Variants in SKAP1 observed in about 807,000 individuals in gnomAD.
SKAP1 encodes src kinase-associated phosphoprotein 1.
Under a neutral mutation model 58.5 loss-of-function variants are expected in SKAP1, and 44 were observed. That is an observed-to-expected ratio of 0.75 (90% CI 0.59 to 0.97). The LOEUF (loss-of-function observed/expected upper bound fraction) is 0.97. Among genes scored for constraint, SKAP1 ranks in the 50% least tolerant of loss-of-function variants. The pLI is 0.00. For missense variants in SKAP1, 390 were observed against 435.2 expected (o/e 0.90, Z 0.92); for synonymous variants, 127 against 149.7 (o/e 0.85, Z 1.11).
intron 2 of SKAP1, among the ~76,000 whole-genome samples, chr17:48,383,603 G>C (rs1225584162): frequency 6.6e-6 from 1 of 152,050 alleles, no homozygotes; most frequent in Non-Finnish European, 1.5e-5. Context: ...AGTGACCCAA[G>C]GCCAGGCTGC....
intron 9 of SKAP1, among the ~76,000 whole-genome samples, chr17:48,178,256 C>T (rs954719420): frequency 2.9e-4 from 44 of 152,074 alleles, no homozygotes; most frequent in African/African-American, 8.9e-4. Flanking sequence ...CCCCGCCCCC[C>T]GACTCCTTTG....
intron 4 of SKAP1, among the ~76,000 whole-genome samples, chr17:48,220,719 T>C (rs890111102): frequency 6.6e-6 from 1 of 151,558 alleles, no homozygotes; most frequent in African/African-American, 2.4e-5. Flanking sequence ...CGGGCGTGGT[T>C]GCACATGCCT....
At chr17:48,182,605 C>T (rs1386324210) in intron 7 of SKAP1, 148 bp from the exon 8 acceptor site, 3 of 587,382 alleles carry the variant, frequency 5.1e-6, no homozygotes, top group African/African-American at 1.9e-5. Flanking sequence ...AGAAAAAAGA[C>T]CAAATATTTC....
At chr17:48,332,783 T>G (rs564482828) in intron 4 of SKAP1, among the ~76,000 whole-genome samples, 1 of 152,228 alleles carries the variant, frequency 6.6e-6, no homozygotes, top group South Asian at 2.1e-4. Context: ...AAATTCTTTA[T>G]TGGAATTTCA....
chr17:48,138,894 ATTT>A (rs200111005), intron 11 of SKAP1, among the ~76,000 whole-genome samples: 2 of 149,742 alleles, frequency 1.3e-5, no homozygotes, highest in East Asian at 3.9e-4. Context: ...TGAAAAAAAA[ATTT>A]TTTTTTTTTG....
rs190658990 is a variant in SKAP1, at chr17:48,425,426, T to C, written c.46+4649A>G. On this transcript the variant is annotated intron_variant, in intron 1 of 12. Transcript: ENST00000336915. ...AACAATTATTGATTCTGAGTAACTGTATCCTATTGTGTGTTTTCTAAATTT... is the reference window on the plus strand; with the variant it reads ...AACAATTATTGATTCTGAGTAACTGCATCCTATTGTGTGTTTTCTAAATTT... 3.3e-5 allele frequency among the ~76,000 whole-genome samples: 5 copies of C among 152,358 alleles called. No individual in the cohort carries two copies. In the East Asian group the frequency reaches 5.8e-4, roughly 18 times the overall value.
chr17:48,222,030 A>G (rs1028306633), intron 4 of SKAP1, among the ~76,000 whole-genome samples: 2 of 152,184 alleles, frequency 1.3e-5, no homozygotes, highest in African/African-American at 4.8e-5. Context: ...TTATTATTAT[A>G]ATAAGCCCAG....
intron 4 of SKAP1, among the ~76,000 whole-genome samples, chr17:48,269,545 C>G (rs903380658): frequency 2.6e-5 from 4 of 152,180 alleles, no homozygotes; most frequent in African/African-American, 7.2e-5. Flanking sequence ...CCACATCGCC[C>G]AAATTATTGT....
intron 2 of SKAP1, among the ~76,000 whole-genome samples, chr17:48,377,802 G>A (rs1323537096): frequency 2.0e-5 from 3 of 152,114 alleles, no homozygotes; most frequent in Non-Finnish European, 4.4e-5. Context: ...AGGCTGACCA[G>A]AGAAGAAACC....
chr17:48,408,953 CCT>C (rs1185830360), intron 1 of SKAP1, among the ~76,000 whole-genome samples: 1 of 152,202 alleles, frequency 6.6e-6, no homozygotes, highest in East Asian at 1.9e-4. Context: ...CGATAGGTCA[CCT>C]CTCTATTTAA....
At chr17:48,316,665 A>T (rs1000875328) in intron 4 of SKAP1, among the ~76,000 whole-genome samples, 4 of 152,188 alleles carry the variant, frequency 2.6e-5, no homozygotes, top group African/African-American at 9.7e-5. Context: ...GGTCGTGCAC[A>T]TAGTAGGTCC....
chr17:48,155,821 C>A (rs1336410522), intron 11 of SKAP1, among the ~76,000 whole-genome samples: 1 of 152,242 alleles, frequency 6.6e-6, no homozygotes, highest in Non-Finnish European at 1.5e-5. Context: ...CGCGCCGCTG[C>A]ATTCCAGGGC....
chr17:48,407,342 A>C (rs1218841103), intron 1 of SKAP1, among the ~76,000 whole-genome samples: 2 of 152,206 alleles, frequency 1.3e-5, no homozygotes, highest in Non-Finnish European at 2.9e-5. Context: ...ATAAAGATAA[A>C]AGCAGAAATT....
At chr17:48,156,415 C>T (rs773134822) in intron 11 of SKAP1, 4 of 502,772 alleles carry the variant, frequency 8.0e-6, no homozygotes, top group Admixed American at 2.0e-5. Context: ...CCATTGGTTA[C>T]GTATGAGGAG....
At chr17:48,418,027 C>T (rs1400171911) in intron 1 of SKAP1, among the ~76,000 whole-genome samples, 1 of 151,974 alleles carries the variant, frequency 6.6e-6, no homozygotes, top group Non-Finnish European at 1.5e-5. Flanking sequence ...GGGTGCAGTG[C>T]CTCACACCCG....
intron 4 of SKAP1, among the ~76,000 whole-genome samples, chr17:48,250,631 T>C (rs1362915985): frequency 6.6e-6 from 1 of 152,042 alleles, no homozygotes; most frequent in African/African-American, 2.4e-5. Flanking sequence ...GGTTAGAAAT[T>C]AGTCTAAATA....
chr17:48,411,621 T>A (rs76332931), intron 1 of SKAP1, among the ~76,000 whole-genome samples: 2 of 152,018 alleles, frequency 1.3e-5, no homozygotes, highest in African/African-American at 4.8e-5. Flanking sequence ...CTGACAAACA[T>A]CATATCAGCC....
chr17:48,421,505 A>G (rs1209916512), intron 1 of SKAP1, among the ~76,000 whole-genome samples: 3 of 152,050 alleles, frequency 2.0e-5, no homozygotes, highest in African/African-American at 7.2e-5. Flanking sequence ...GGGTTTCACC[A>G]TCTTGGCCAG....
intron 4 of SKAP1, among the ~76,000 whole-genome samples, chr17:48,323,234 A>T (rs1339771937): frequency 6.6e-6 from 1 of 151,900 alleles, no homozygotes; most frequent in Admixed American, 6.6e-5. Context: ...AGAGAAAAAG[A>T]AGCCAAGTTA....
Sources: gnomAD v4.1 joint callset for allele counts (sites outside exome capture counted in the v4.1 genomes callset) on GRCh38, gnomAD v4.1.1 for gene constraint, MANE v1.5 for transcripts, NCBI Gene and HGNC (gene_info 2026-07-23, HGNC 2026-07-21) for gene names.